GABRR2: variants seen among roughly 807,000 people sequenced by gnomAD.
GABRR2 encodes gamma-aminobutyric acid type A receptor subunit rho2.
GABRR2 carries 36 observed loss-of-function variants against 47.0 expected under a neutral mutation model. The ratio of observed to expected loss-of-function variants is 0.77; its 90% CI spans 0.59 to 1.01. The LOEUF is 1.01. Among genes scored for constraint, GABRR2 ranks in the 50% least tolerant of loss-of-function variants. The pLI, the probability that GABRR2 is intolerant of heterozygous loss-of-function variation, is 0.00. For missense variants in GABRR2, 587 were observed against 594.6 expected (o/e 0.99, Z 0.13); for synonymous variants, 204 against 227.5 (o/e 0.90, Z 0.93).
At position 89,268,043 on chromosome 6, in the gene GABRR2, G is replaced by A; in HGVS notation, c.566C>T (p.Ser189Phe). The change falls in exon 5 of 9, where the codon TCC becomes TTC. Residue 189 changes from serine (S) to phenylalanine (F), a missense_variant. Transcript: ENST00000402938. ...CTCCAGCTCCAAAGAACAGGTCTGG[G>A]AGTCCAGGGGAAAGTGGCTGAAGTC... Reference protein sequence around the residue: ...NMDFSHFPLDSQTCSLELESY... With the variant: ...NMDFSHFPLDFQTCSLELESY... 2 of 1,612,068 alleles carry A rather than the reference G, an allele frequency of 1.2e-6. No homozygotes were observed. The highest frequency in any genetic ancestry group is 8.5e-7 in the Non-Finnish European group (1 of 1,178,946).
chr6:89,257,220 T>TG lies in GABRR2; in HGVS notation c.*449_*450insC, dbSNP rs1397556334. 6.3e-6 allele frequency: 1 copy of TG among 158,076 alleles called. No homozygotes were observed. The allele number at this position is 158,076 out of a possible 1,614,324, so 9.8% of individuals were successfully genotyped here. On this transcript the variant is annotated 3_prime_UTR_variant, in exon 9 of 9. Coordinates refer to ENST00000402938, the MANE Select transcript of GABRR2 (RefSeq NM_002043.5). ...CTCTTTTCCCTTCTAGGTAGGCACT[T>TG]AATCAAGTTCAATGGGTTTACAGGG...
At chr6:89,296,637 C>T (rs907229471) in intron 2 of GABRR2, among the ~76,000 whole-genome samples, 3 of 152,230 alleles carry the variant, frequency 2.0e-5, no homozygotes, top group Admixed American at 6.5e-5. Context: ...GGGAGCAGTC[C>T]TGACCCTCTA....
In GABRR2 at chr6:89,315,239, A is replaced by C. The variant is rs1197262751; in HGVS notation, c.-74T>G. The C allele has an allele frequency of 6.2e-7, 1 of 1,606,402 alleles. No homozygotes were observed. Among genetic ancestry groups the C allele is most frequent in the East Asian group, 2.2e-5 (1 of 44,498 alleles). On this transcript the variant is annotated 5_prime_UTR_variant, in exon 1 of 9. It removes an upstream start codon present in the reference 5' UTR. Coordinates refer to ENST00000402938, the MANE Select transcript of GABRR2 (RefSeq NM_002043.5). ...AGAGCAAATCCCCCCTGGCTTGACC[A>C]TTGATCCATCTGCTGCCTCCTGACG...
Position 89,315,160 on chromosome 6 carries a change from A to T in GABRR2, c.6T>A (p.Pro2=), listed in dbSNP as rs80306270. Residue 2 remains proline (P), a synonymous_variant, in exon 1 of 9, where the codon CCT becomes CCA. Transcript: ENST00000402938. ...AGAACAAAATGAGTCTTGTAAAATA[A>T]GGCATTTTGTGGACATCTGTGAGGC... The part of the protein sequence containing the change: M[P]YFTRLILFLF... 9 of 1,613,878 alleles carry T rather than the reference A, an allele frequency of 5.6e-6. No homozygotes were observed. The Admixed American group carries it at 1.3e-4, about 24-fold the overall frequency.
chr6:89,296,157 A>G (rs1188690317), intron 2 of GABRR2, among the ~76,000 whole-genome samples: 3 of 152,210 alleles, frequency 2.0e-5, no homozygotes, highest in Non-Finnish European at 4.4e-5. Context: ...AGACCTGCCC[A>G]TGAGGTGCTG....
chr6:89,282,650 G>C (rs913046719), intron 2 of GABRR2, among the ~76,000 whole-genome samples: 1 of 152,242 alleles, frequency 6.6e-6, no homozygotes, highest in African/African-American at 2.4e-5. Flanking sequence ...TTGGGAGAAA[G>C]TGTGGCAAGG....
At chr6:89,299,195 G>A (rs1774606244) in intron 2 of GABRR2, among the ~76,000 whole-genome samples, 1 of 152,150 alleles carries the variant, frequency 6.6e-6, no homozygotes, top group Non-Finnish European at 1.5e-5. Flanking sequence ...TTTGGGGGCA[G>A]GTGTGCAAGA....
At chr6:89,310,828 T>C (rs1294744207) in intron 1 of GABRR2, among the ~76,000 whole-genome samples, 1 of 151,974 alleles carries the variant, frequency 6.6e-6, no homozygotes. Flanking sequence ...TTGAGAGTCA[T>C]GTTAAGAATT....
chr6:89,307,912 G>A (rs1303877154), intron 1 of GABRR2, among the ~76,000 whole-genome samples: 1 of 150,926 alleles, frequency 6.6e-6, no homozygotes, highest in Non-Finnish European at 1.5e-5. Flanking sequence ...TGCCTCCTGG[G>A]TTCAAGTGAT....
At chr6:89,305,836 T>A (rs912236610) in intron 1 of GABRR2, among the ~76,000 whole-genome samples, 1 of 151,814 alleles carries the variant, frequency 6.6e-6, no homozygotes, top group African/African-American at 2.4e-5. Context: ...TCAGAAAAAA[T>A]AACTGTCGAG....
chr6:89,258,400 T>C (rs1408425636), intron 8 of GABRR2, among the ~76,000 whole-genome samples: 1 of 152,078 alleles, frequency 6.6e-6, no homozygotes, highest in Non-Finnish European at 1.5e-5. Context: ...CACCTTTCTG[T>C]GCATGAATCA....
At chr6:89,278,524 TG>T (rs1774205212) in intron 2 of GABRR2, among the ~76,000 whole-genome samples, 1 of 152,228 alleles carries the variant, frequency 6.6e-6, no homozygotes, top group African/African-American at 2.4e-5. Flanking sequence ...TCTGAGAAGG[TG>T]AGGCTGAGGG....
chr6:89,260,630 C>G (rs1407547868), intron 8 of GABRR2, among the ~76,000 whole-genome samples: 1 of 152,202 alleles, frequency 6.6e-6, no homozygotes, highest in Non-Finnish European at 1.5e-5. Context: ...GAGTGGAAAT[C>G]ACACTTCAGT....
intron 2 of GABRR2, among the ~76,000 whole-genome samples, chr6:89,280,755 T>A (rs1027997162): frequency 3.3e-5 from 5 of 152,220 alleles, no homozygotes; most frequent in African/African-American, 9.7e-5. Flanking sequence ...GAAGAAAAGT[T>A]GGTCATTGTC....
intron 8 of GABRR2, among the ~76,000 whole-genome samples, chr6:89,263,120 C>A (rs538682811): frequency 6.6e-6 from 1 of 152,174 alleles, no homozygotes; most frequent in East Asian, 1.9e-4. Flanking sequence ...TCTGCCACCC[C>A]GGAGACAGTA....
Position 89,255,369 on chromosome 6 carries a change from A to G in GABRR2, c.*2301T>C, listed in dbSNP as rs111742029. On this transcript the variant is annotated 3_prime_UTR_variant, in exon 9 of 9. Coordinates refer to ENST00000402938, the MANE Select transcript of GABRR2 (RefSeq NM_002043.5). ...GGAGAATTGCTTGAACCCGGGAGGC[A>G]GAGGTTGTGGTGAGCCAAGATCAAG... 0.02 allele frequency among the ~76,000 whole-genome samples: 3,078 copies of G among 152,292 alleles called. 46 individuals carry two copies. The highest frequency in any genetic ancestry group is 0.031 in the Middle Eastern group (9 of 294).
chr6:89,264,374 A>G, intron 8 of GABRR2, 38 bp downstream of exon 8: 1 of 1,586,150 alleles, frequency 6.3e-7, no homozygotes, highest in Non-Finnish European at 8.6e-7. Context: ...TTCACCCAGC[A>G]GCATGGACTT....
At chr6:89,285,816 G>A (rs1312936593) in intron 2 of GABRR2, among the ~76,000 whole-genome samples, 2 of 151,910 alleles carry the variant, frequency 1.3e-5, no homozygotes, top group Non-Finnish European at 2.9e-5. Flanking sequence ...CCACTGGCGC[G>A]CCCCCTCCTT....
intron 2 of GABRR2, among the ~76,000 whole-genome samples, chr6:89,283,553 G>C (rs1774286895): frequency 6.6e-6 from 1 of 152,152 alleles, no homozygotes; most frequent in African/African-American, 2.4e-5. Flanking sequence ...ATAACAACGA[G>C]AGTATATATA....
Sources: gnomAD v4.1 joint callset for allele counts (sites outside exome capture counted in the v4.1 genomes callset) on GRCh38, gnomAD v4.1.1 for gene constraint, MANE v1.5 for transcripts, NCBI Gene and HGNC (gene_info 2026-07-23, HGNC 2026-07-21) for gene names.